Variants in SGCZ observed in about 807,000 individuals in gnomAD.
The protein encoded by SGCZ is sarcoglycan zeta.
Under a neutral mutation model 41.3 loss-of-function variants are expected in SGCZ, and 40 were observed. The observed-to-expected ratio is 0.97, with a 90% confidence interval of 0.75 to 1.26. The LOEUF (loss-of-function observed/expected upper bound fraction) is 1.26, where lower values mean the gene tolerates loss of function less well. Ranked by LOEUF, SGCZ falls within the 50% of genes most tolerant of loss-of-function variation. The pLI, the probability that SGCZ is intolerant of heterozygous loss-of-function variation, is 0.00. For synonymous variants in SGCZ, 206 were observed against 137.5 expected, an observed-to-expected ratio of 1.50 and a Z score of -3.49; for missense variants, 552 against 369.8, an observed-to-expected ratio of 1.49 and a Z score of -4.04.
intron 2 of SGCZ, among the ~76,000 whole-genome samples, chr8:14,463,071 A>C (rs1800948087): frequency 6.6e-6 from 1 of 151,710 alleles, no homozygotes; most frequent in Non-Finnish European, 1.5e-5. Flanking sequence ...TATTAATCTT[A>C]ACCATATTTT....
At chr8:14,344,877 AG>A (rs1273145213) in intron 2 of SGCZ, among the ~76,000 whole-genome samples, 1 of 152,096 alleles carries the variant, frequency 6.6e-6, no homozygotes, top group Non-Finnish European at 1.5e-5. Flanking sequence ...GAGAACGTGA[AG>A]TAATGAGAAT....
At chr8:14,672,634 A>T (rs768486981) in intron 1 of SGCZ, among the ~76,000 whole-genome samples, 4 of 152,170 alleles carry the variant, frequency 2.6e-5, no homozygotes, top group Non-Finnish European at 5.9e-5. Context: ...AAACTACAAG[A>T]AAAGCTTTTT....
intron 2 of SGCZ, among the ~76,000 whole-genome samples, chr8:14,376,127 G>A (rs1585422956): frequency 6.6e-6 from 1 of 152,018 alleles, no homozygotes; most frequent in Non-Finnish European, 1.5e-5. Context: ...GACTGGCCAA[G>A]ATGGTGAAAC....
At chr8:14,770,417 G>A (rs1363767193) in intron 1 of SGCZ, among the ~76,000 whole-genome samples, 3 of 151,400 alleles carry the variant, frequency 2.0e-5, no homozygotes, top group African/African-American at 4.8e-5. Flanking sequence ...TTCCCCAGAG[G>A]TCAGTATATT....
intron 1 of SGCZ, among the ~76,000 whole-genome samples, chr8:15,166,699 C>A (rs1395544417): frequency 1.3e-5 from 2 of 152,086 alleles, no homozygotes; most frequent in Non-Finnish European, 2.9e-5. Flanking sequence ...CAGAGATAAC[C>A]AAACTTATTT....
Position 14,775,460 on chromosome 8 carries a change from A to ACTGTGTGTGTGTGTGT in SGCZ, c.40-220535_40-220534insACACACACACACACAG, listed in dbSNP as rs1358479725. On this transcript the variant is annotated intron_variant, in intron 1 of 7. Transcript: ENST00000382080. Reference sequence around the variant, plus strand: ...GACAGTATGCTGAGTAGAATATTTGAGTGTGTGTGTGTGTGTGTGTGTGTG... The same window carrying ACTGTGTGTGTGTGTGT: ...GACAGTATGCTGAGTAGAATATTTGACTGTGTGTGTGTGTGTGTGTGTGTGTGTGTGTGTGTGTGTG... Among the ~76,000 whole-genome samples, 8 of 149,318 alleles carry ACTGTGTGTGTGTGTGT rather than the reference A, an allele frequency of 5.4e-5. No individual in the cohort carries two copies. The South Asian group carries it at 6.4e-4, about 12-fold the overall frequency.
intron 1 of SGCZ, among the ~76,000 whole-genome samples, chr8:14,651,559 T>C (rs1374565133): frequency 6.6e-6 from 1 of 152,090 alleles, no homozygotes; most frequent in Non-Finnish European, 1.5e-5. Context: ...GTTTTCTTAA[T>C]CTTTTTTTCT....
chr8:14,763,245 C>A (rs1174889190), intron 1 of SGCZ, among the ~76,000 whole-genome samples: 1 of 152,048 alleles, frequency 6.6e-6, no homozygotes, highest in African/African-American at 2.4e-5. Context: ...TATATTATTG[C>A]AAGCTTGTGA....
intron 1 of SGCZ, among the ~76,000 whole-genome samples, chr8:15,155,153 A>C (rs1486510512): frequency 6.6e-6 from 1 of 152,088 alleles, no homozygotes; most frequent in South Asian, 2.1e-4. Flanking sequence ...AAATCAGCTG[A>C]GTGTGGTGGT....
intron 1 of SGCZ, among the ~76,000 whole-genome samples, chr8:15,062,920 A>C (rs1461975074): frequency 3.3e-5 from 5 of 152,134 alleles, no homozygotes; most frequent in African/African-American, 1.2e-4. Flanking sequence ...AATAGACCTA[A>C]GCTAACAAAG....
At chr8:14,764,350 G>C (rs766030755) in intron 1 of SGCZ, among the ~76,000 whole-genome samples, 6 of 152,160 alleles carry the variant, frequency 3.9e-5, no homozygotes, top group Non-Finnish European at 8.8e-5. Flanking sequence ...AATTACTTCT[G>C]AATTGCAAAA....
At position 14,752,950 on chromosome 8, in the gene SGCZ, A is replaced by G. The variant is rs187311726; in HGVS notation, c.40-198024T>C. The stretch of plus-strand genomic sequence containing the variant: ...AGAAGTAACTCTGAAATAGTAGGAT[A>G]GTATTATCATTTCCTGTAATAGATT... On this transcript the variant is annotated intron_variant, in intron 1 of 7. Transcript: ENST00000382080. 1.1e-4 allele frequency among the ~76,000 whole-genome samples: 17 copies of G among 152,310 alleles called. No individual in the cohort carries two copies. The East Asian group carries it at 3.3e-3, about 29-fold the overall frequency.
At chr8:15,155,202 G>A (rs1799294411) in intron 1 of SGCZ, among the ~76,000 whole-genome samples, 1 of 152,122 alleles carries the variant, frequency 6.6e-6, no homozygotes, top group African/African-American at 2.4e-5. Context: ...GGCTGAGGTG[G>A]AACAATGGCT....
intron 1 of SGCZ, among the ~76,000 whole-genome samples, chr8:14,664,448 T>G (rs2117491196): frequency 6.6e-6 from 1 of 152,330 alleles, no homozygotes; most frequent in East Asian, 1.9e-4. Flanking sequence ...TTAATTCGAT[T>G]GCATGAATTT....
At chr8:14,705,669 T>G (rs1809309669) in intron 1 of SGCZ, among the ~76,000 whole-genome samples, 1 of 152,014 alleles carries the variant, frequency 6.6e-6, no homozygotes, top group Non-Finnish European at 1.5e-5. Context: ...TATCTAAGAG[T>G]CATTGATGTC....
chr8:14,700,525 G>A (rs907161086), intron 1 of SGCZ, among the ~76,000 whole-genome samples: 2 of 151,734 alleles, frequency 1.3e-5, no homozygotes, highest in African/African-American at 4.8e-5. Context: ...CACTACCTGG[G>A]TGATGGAATC....
intron 1 of SGCZ, among the ~76,000 whole-genome samples, chr8:15,108,326 G>A (rs1806911519): frequency 6.6e-6 from 1 of 152,128 alleles, no homozygotes; most frequent in Non-Finnish European, 1.5e-5. Flanking sequence ...AAACGCAGAG[G>A]TAGGTCTGAG....
intron 2 of SGCZ, among the ~76,000 whole-genome samples, chr8:14,420,444 T>G (rs1252432446): frequency 6.6e-6 from 1 of 152,122 alleles, no homozygotes; most frequent in African/African-American, 2.4e-5. Flanking sequence ...TTCAGTTTTT[T>G]CTTTATTTTG....
intron 3 of SGCZ, among the ~76,000 whole-genome samples, chr8:14,307,866 T>C (rs73207793): frequency 0.26 from 39,173 of 151,724 alleles, 5,426 homozygotes; most frequent in South Asian, 0.44. Flanking sequence ...TTTTAAAGAG[T>C]AAGTGGTCTA....
Sources: allele counts gnomAD v4.1 joint callset (sites outside exome capture counted in the v4.1 genomes callset), GRCh38; gene constraint gnomAD v4.1.1; transcripts MANE v1.5; gene names NCBI Gene and HGNC (gene_info 2026-07-23, HGNC 2026-07-21).